The following MVB12B variants were observed in gnomAD, a reference collection of about 807,000 sequenced individuals.
MVB12B encodes ESCRT-I complex subunit MVB12B.
MVB12B carries 16 observed loss-of-function variants against 41.6 expected under a neutral mutation model. That is an observed-to-expected ratio of 0.38 (90% CI 0.26 to 0.58). The LOEUF is 0.58. Ranked by LOEUF, MVB12B falls within the 20% of genes least tolerant of loss-of-function variation. The pLI is 0.62. For synonymous variants in MVB12B, 133 were observed against 139.7 expected, an observed-to-expected ratio of 0.95 and a Z score of 0.34; for missense variants, 274 against 380.2, an observed-to-expected ratio of 0.72 and a Z score of 2.32.
intron 7 of MVB12B, among the ~76,000 whole-genome samples, chr9:126,440,669 T>G (rs1462711054): frequency 6.6e-6 from 1 of 152,154 alleles, no homozygotes; most frequent in Non-Finnish European, 1.5e-5. Context: ...TTTCCCTCTT[T>G]CAGAGAAATA....
chr9:126,360,829 A>C (rs930549638), intron 2 of MVB12B, among the ~76,000 whole-genome samples: 1 of 152,194 alleles, frequency 6.6e-6, no homozygotes, highest in South Asian at 2.1e-4. Flanking sequence ...TTATTAAGTG[A>C]CCCTCTTTAT....
rs147873171 is a variant in MVB12B at position 126,502,146 on chromosome 9, T to G, written c.874-1031T>G. Among the ~76,000 whole-genome samples the G allele has an allele frequency of 6.9e-3, 1,044 of 152,270 alleles. 8 individuals carry two copies. The highest frequency in any genetic ancestry group is 0.034 in the Middle Eastern group (10 of 294). ...AAATGCTTGAAAACCACTGATCTAA[T>G]CTAAGCTCCTGCTTCCTAAAATCCA... On this transcript the variant is annotated intron_variant, in intron 9 of 9. Transcript: ENST00000361171.
At position 126,357,503 on chromosome 9, in the gene MVB12B, C is replaced by T. The variant is rs535323872; in HGVS notation, c.204+16873C>T. On this transcript the variant is annotated intron_variant, in intron 2 of 9. Coordinates refer to ENST00000361171, the MANE Select transcript of MVB12B (RefSeq NM_033446.3). ...GAGTCTCAGTTCTTCCACATCCTTG[C>T]CAACACTTGAGATAGTCATTCTTTT... Among the ~76,000 whole-genome samples the T allele has an allele frequency of 1.2e-3, 183 of 152,296 alleles. 1 individual carries two copies. The highest frequency in any genetic ancestry group is 2.2e-3 in the Non-Finnish European group (149 of 68,026).
chr9:126,425,113 CAAT>C (rs1485416340), intron 7 of MVB12B, among the ~76,000 whole-genome samples: 1 of 152,104 alleles, frequency 6.6e-6, no homozygotes, highest in Non-Finnish European at 1.5e-5. Context: ...CTCATTTTAA[CAAT>C]TACATTCTAA....
intron 2 of MVB12B, among the ~76,000 whole-genome samples, chr9:126,375,855 CA>C (rs1830468146): frequency 6.6e-6 from 1 of 152,152 alleles, no homozygotes; most frequent in Non-Finnish European, 1.5e-5. Context: ...AAGTCTGATG[CA>C]ACATGATTCC....
At chr9:126,500,535 G>C (rs1018620460) in intron 9 of MVB12B, among the ~76,000 whole-genome samples, 4 of 152,218 alleles carry the variant, frequency 2.6e-5, no homozygotes, top group African/African-American at 9.6e-5. Flanking sequence ...AGCAGCATGG[G>C]GTTACCTGGG....
intron 6 of MVB12B, among the ~76,000 whole-genome samples, chr9:126,415,839 G>A (rs188858269): frequency 6.6e-5 from 10 of 152,308 alleles, no homozygotes; most frequent in Non-Finnish European, 1.2e-4. Flanking sequence ...TGGGAAGGGC[G>A]CCACAGGGAG....
At chr9:126,337,274 C>T (rs1375972388) in intron 1 of MVB12B, among the ~76,000 whole-genome samples, 6 of 152,114 alleles carry the variant, frequency 3.9e-5, no homozygotes, top group African/African-American at 7.2e-5. Flanking sequence ...CCCTCCTGTG[C>T]GGTGCTTGGA....
At chr9:126,466,168 G>A (rs1833194745) in intron 7 of MVB12B, among the ~76,000 whole-genome samples, 1 of 152,208 alleles carries the variant, frequency 6.6e-6, no homozygotes, top group African/African-American at 2.4e-5. Context: ...GGTCAACCTG[G>A]CTGCAGCCGG....
Position 126,359,061 on chromosome 9 carries a change from A to ATT in MVB12B, c.204+18444_204+18445dup, listed in dbSNP as rs1164062424. Among the ~76,000 whole-genome samples, 1,112 of 144,370 alleles carry ATT rather than the reference A, an allele frequency of 7.7e-3. 19 individuals are homozygous for ATT. The highest frequency in any genetic ancestry group is 0.027 in the African/African-American group (1,058 of 39,560). 94.7% of individuals were successfully genotyped at this position (144,370 alleles called of 152,430 possible). ...TATGGATTTTCTCTTTTTAATTTTAATTTTTTTTTTTTTTATGGAGACAGG... is the reference window on the plus strand; with the variant it reads ...TATGGATTTTCTCTTTTTAATTTTAATTTTTTTTTTTTTTTTATGGAGACAGG... On this transcript the variant is annotated intron_variant, in intron 2 of 9. Coordinates refer to ENST00000361171, the MANE Select transcript of MVB12B (RefSeq NM_033446.3).
At chr9:126,359,837 A>G (rs12236767) in intron 2 of MVB12B, among the ~76,000 whole-genome samples, 14,361 of 151,514 alleles carry the variant, frequency 0.095, 918 homozygotes, top group East Asian at 0.26. Flanking sequence ...AGTTCTTTCC[A>G]TTTTATTTTT....
At chr9:126,461,875 C>T (rs1031667492) in intron 7 of MVB12B, among the ~76,000 whole-genome samples, 7 of 152,168 alleles carry the variant, frequency 4.6e-5, no homozygotes, top group African/African-American at 1.2e-4. Context: ...TGGGGGCCCT[C>T]GCCCACCCGC....
intron 1 of MVB12B, among the ~76,000 whole-genome samples, chr9:126,329,352 C>A (rs1040383685): frequency 6.6e-6 from 1 of 152,212 alleles, no homozygotes; most frequent in African/African-American, 2.4e-5. Flanking sequence ...TGGCGGTCCT[C>A]ATGAAATTTA....
At chr9:126,498,093 G>A (rs1459043201) in intron 9 of MVB12B, among the ~76,000 whole-genome samples, 3 of 152,110 alleles carry the variant, frequency 2.0e-5, no homozygotes, top group Admixed American at 1.3e-4. Flanking sequence ...CTCTCCTCCC[G>A]CAGCGTTTCA....
At chr9:126,341,077 G>A (rs1829432549) in intron 2 of MVB12B, among the ~76,000 whole-genome samples, 2 of 152,166 alleles carry the variant, frequency 1.3e-5, no homozygotes, top group African/African-American at 4.8e-5. Flanking sequence ...AAGGCTGGGA[G>A]GGCAAGTAGC....
In MVB12B at chr9:126,383,907, A is replaced by G. The variant is rs984357700; in HGVS notation, c.313-2655A>G. ...ATGTTCAGGTTTTATGATCAGGGAC[A>G]TTGGTAGAGTGTGTGGAGGGTGAGG... On this transcript the variant is annotated intron_variant, in intron 3 of 9. Coordinates refer to ENST00000361171, the MANE Select transcript of MVB12B (RefSeq NM_033446.3). 2.0e-5 allele frequency among the ~76,000 whole-genome samples: 3 copies of G among 151,618 alleles called. No homozygotes were observed. In the South Asian group the frequency reaches 6.2e-4, roughly 32 times the overall value.
At chr9:126,373,453 T>G (rs1342848759) in intron 2 of MVB12B, among the ~76,000 whole-genome samples, 1 of 152,264 alleles carries the variant, frequency 6.6e-6, no homozygotes, top group Non-Finnish European at 1.5e-5. Flanking sequence ...GCCTATGAAC[T>G]TCATTCTTGT....
rs981341949 is a variant in MVB12B, at chr9:126,473,295, C to A, written c.758-8074C>A. On this transcript the variant is annotated intron_variant, in intron 7 of 9. Coordinates refer to ENST00000361171, the MANE Select transcript of MVB12B (RefSeq NM_033446.3). This position sits in a 1 kb window ranked among gnomAD's most constrained non-coding sequence, Gnocchi z 4.0. ...CAAGCTCCCAGCCCCTCCTTCCCTGCCATAGCCCCCCATAGCCCCAGAGCA... is the reference window on the plus strand; with the variant it reads ...CAAGCTCCCAGCCCCTCCTTCCCTGACATAGCCCCCCATAGCCCCAGAGCA... 1.3e-5 allele frequency among the ~76,000 whole-genome samples: 2 copies of A among 152,200 alleles called. No homozygotes were observed. Among genetic ancestry groups the A allele is most frequent in the African/African-American group, 4.8e-5 (2 of 41,440 alleles).
chr9:126,378,358 T>C (rs147914487), intron 2 of MVB12B, among the ~76,000 whole-genome samples: 2,215 of 152,316 alleles, frequency 0.015, 51 homozygotes, highest in African/African-American at 0.051. Context: ...TAGGCACCTT[T>C]ATGTGACTGG....
Sources: allele counts gnomAD v4.1 joint callset (sites outside exome capture counted in the v4.1 genomes callset), GRCh38; gene constraint gnomAD v4.1.1; non-coding constraint Gnocchi (gnomAD v3.1); transcripts MANE v1.5; gene names NCBI Gene and HGNC (gene_info 2026-07-23, HGNC 2026-07-21).